ELAVL4: variants seen among roughly 807,000 people sequenced by gnomAD.
ELAVL4 encodes ELAV like RNA binding protein 4, also known as ELAV-like protein 4.
ELAVL4 carries 1 observed loss-of-function variant against 35.6 expected under a neutral mutation model. The ratio of observed to expected loss-of-function variants is 0.03; its 90% CI spans 0.01 to 0.13. The LOEUF is 0.13. ELAVL4 is among the 10% of genes least tolerant of loss of function. The pLI is 1.00. For missense variants in ELAVL4, 267 were observed against 464.9 expected, an observed-to-expected ratio of 0.57 and a Z score of 3.91; for synonymous variants, 156 against 171.0, an observed-to-expected ratio of 0.91 and a Z score of 0.69.
chr1:50,187,009 C>T (rs1369673500), intron 3 of ELAVL4, among the ~76,000 whole-genome samples: 2 of 152,252 alleles, frequency 1.3e-5, no homozygotes, highest in East Asian at 3.9e-4. Flanking sequence ...TTCTTCTGTC[C>T]CTGCTCCTAG....
At chr1:50,066,637 T>C (rs1461640541) in intron 1 of ELAVL4, among the ~76,000 whole-genome samples, 1 of 152,182 alleles carries the variant, frequency 6.6e-6, no homozygotes, top group Admixed American at 6.6e-5. Context: ...TAAAAAATAC[T>C]ATGAAGATAA....
chr1:50,171,826 C>A (rs532865501), intron 2 of ELAVL4, among the ~76,000 whole-genome samples: 51 of 152,282 alleles, frequency 3.3e-4, no homozygotes, highest in African/African-American at 1.2e-3. Flanking sequence ...TCAGAATGGG[C>A]AGTGAAGGAG....
chr1:50,149,016 A>T (rs1217160803), intron 2 of ELAVL4, among the ~76,000 whole-genome samples: 1 of 151,880 alleles, frequency 6.6e-6, no homozygotes, highest in African/African-American at 2.4e-5. Context: ...TATTATTATT[A>T]TTTCTTTGCC....
At chr1:50,062,843 C>T (rs931039426) in intron 1 of ELAVL4, among the ~76,000 whole-genome samples, 1 of 152,062 alleles carries the variant, frequency 6.6e-6, no homozygotes, top group Non-Finnish European at 1.5e-5. Flanking sequence ...CCCGATGATA[C>T]AAATATGTTA....
At chr1:50,095,186 CAT>C (rs1348465066) in intron 1 of ELAVL4, among the ~76,000 whole-genome samples, 1 of 152,110 alleles carries the variant, frequency 6.6e-6, no homozygotes, top group Non-Finnish European at 1.5e-5. Flanking sequence ...TTTACGGCAG[CAT>C]TGGTGCTCAA....
chr1:50,115,547 A>G (rs2148560687), intron 1 of ELAVL4, among the ~76,000 whole-genome samples: 1 of 152,274 alleles, frequency 6.6e-6, no homozygotes, highest in East Asian at 1.9e-4. Flanking sequence ...ATTTTAAACT[A>G]TAAAATATAG....
At chr1:50,119,425 A>G (rs555824100) in intron 1 of ELAVL4, among the ~76,000 whole-genome samples, 2 of 152,086 alleles carry the variant, frequency 1.3e-5, no homozygotes, top group Admixed American at 6.6e-5. Context: ...TGAGCAGGCA[A>G]ATGAGAAGGT....
chr1:50,145,028 C>A lies in ELAVL4; in HGVS notation c.81C>A (p.Asn27Lys), dbSNP rs1050931177. 1 of 1,613,834 alleles carries A rather than the reference C, an allele frequency of 6.2e-7. No homozygotes were observed. Among genetic ancestry groups the A allele is most frequent in the Non-Finnish European group, 8.5e-7 (1 of 1,179,956 alleles). ...TSNTSNGPSS[N>K]NRNCPSPMQT... is the part of the protein sequence containing the mutation. ...ATACAAGCAATGGACCCTCCAGCAA[C>A]AACAGAAACTGTCCTTCTCCCATGC... Residue 27 changes from asparagine (N) to lysine (K), a missense_variant, in exon 2 of 7, where the codon AAC becomes AAA. This residue lies in a region of ELAVL4 where 51 missense variants were observed against 55.4 expected (regional missense o/e 0.92). Coordinates refer to ENST00000371824, the MANE Select transcript of ELAVL4 (RefSeq NM_001144774.3).
upstream of ELAVL4, chr1:50,103,802 A>G: frequency 3.8e-6 from 4 of 1,054,856 alleles, no homozygotes; most frequent in Non-Finnish European, 5.4e-6. Context: ...TTCCCACCCC[A>G]TTTTGCTAAT....
intron 2 of ELAVL4, among the ~76,000 whole-genome samples, chr1:50,148,562 G>A (rs993530409): frequency 6.6e-6 from 1 of 152,110 alleles, no homozygotes; most frequent in African/African-American, 2.4e-5. Flanking sequence ...TTCCAATTGG[G>A]AAAGGACACT....
At chr1:50,114,490 G>T (rs1667614185) in intron 1 of ELAVL4, among the ~76,000 whole-genome samples, 1 of 152,026 alleles carries the variant, frequency 6.6e-6, no homozygotes, top group South Asian at 2.1e-4. Context: ...CTGTGGGTGG[G>T]TGGGAGTCAC....
upstream of ELAVL4, among the ~76,000 whole-genome samples, chr1:50,108,016 A>G (rs1477162283): frequency 6.6e-6 from 1 of 152,232 alleles, no homozygotes; most frequent in East Asian, 1.9e-4. Flanking sequence ...CACTCTGCAC[A>G]GGTTTTGAAA....
chr1:50,067,015 T>C (rs1010917934), intron 1 of ELAVL4, among the ~76,000 whole-genome samples: 6 of 152,112 alleles, frequency 3.9e-5, no homozygotes, highest in Non-Finnish European at 5.9e-5. Flanking sequence ...TATCACAGTA[T>C]CACCTGGTAA....
chr1:50,142,384 A>G (rs1672970004), intron 1 of ELAVL4, among the ~76,000 whole-genome samples: 1 of 151,986 alleles, frequency 6.6e-6, no homozygotes, highest in Non-Finnish European at 1.5e-5. Context: ...TGTATTTTCA[A>G]TAGAGACTGG....
chr1:50,118,546 G>A (rs1373985304), intron 1 of ELAVL4, among the ~76,000 whole-genome samples: 4 of 151,996 alleles, frequency 2.6e-5, no homozygotes, highest in Admixed American at 1.3e-4. Flanking sequence ...AAGCCTTGGC[G>A]TAGTTGTTGA....
intron 2 of ELAVL4, among the ~76,000 whole-genome samples, chr1:50,148,889 A>G (rs1557783573): frequency 6.6e-6 from 1 of 152,116 alleles, no homozygotes; most frequent in Admixed American, 6.5e-5. Context: ...AAACATTGAG[A>G]TTGCCTTACT....
At chr1:50,091,045 C>G (rs571654483) in intron 1 of ELAVL4, among the ~76,000 whole-genome samples, 2 of 152,292 alleles carry the variant, frequency 1.3e-5, no homozygotes, top group African/African-American at 4.8e-5. Flanking sequence ...TAGAAGAATG[C>G]AGAGGACCTT....
upstream of ELAVL4, among the ~76,000 whole-genome samples, chr1:50,104,671 T>C (rs958090204): frequency 2.6e-5 from 4 of 152,230 alleles, no homozygotes; most frequent in Non-Finnish European, 5.9e-5. Context: ...TATCTGTGTG[T>C]GTTGGTTTCT....
At chr1:50,116,787 T>C (rs1300959607) in intron 1 of ELAVL4, among the ~76,000 whole-genome samples, 1 of 152,116 alleles carries the variant, frequency 6.6e-6, no homozygotes, top group Admixed American at 6.5e-5. Context: ...TTTGTGATTT[T>C]TACCAGATTT....
Sources: allele counts gnomAD v4.1 joint callset (sites outside exome capture counted in the v4.1 genomes callset), GRCh38; gene constraint gnomAD v4.1.1; regional missense constraint gnomAD v4.1.1; transcripts MANE v1.5; gene names NCBI Gene and HGNC (gene_info 2026-07-23, HGNC 2026-07-21).